GRID2: variants seen among roughly 807,000 people sequenced by gnomAD.
GRID2 encodes the protein glutamate ionotropic receptor delta type subunit 2, also known as glutamate receptor ionotropic, delta-2.
Under a neutral mutation model 114.8 loss-of-function variants are expected in GRID2, and 33 were observed. That is an observed-to-expected ratio of 0.29 (90% CI 0.22 to 0.38). The LOEUF is 0.38. GRID2 is among the 10% of genes least tolerant of loss of function. The pLI, the probability that GRID2 is intolerant of heterozygous loss-of-function variation, is 1.00. For missense variants in GRID2, 1,184 were observed against 1,257.7 expected, an observed-to-expected ratio of 0.94 and a Z score of 0.89; for synonymous variants, 505 against 449.9, an observed-to-expected ratio of 1.12 and a Z score of -1.55.
chr4:93,586,829 G>A (rs1348750428), intron 13 of GRID2, among the ~76,000 whole-genome samples: 1 of 152,032 alleles, frequency 6.6e-6, no homozygotes, highest in East Asian at 1.9e-4. Flanking sequence ...CCTAGCATGG[G>A]CAGTTGCTTC....
chr4:93,267,128 A>G (rs757417025), intron 8 of GRID2, among the ~76,000 whole-genome samples: 21 of 143,390 alleles, frequency 1.5e-4, no homozygotes, highest in East Asian at 2.1e-4. Flanking sequence ...TATTCTTTTT[A>G]TGGGTGGATA....
At chr4:93,493,681 T>C (rs979457757) in intron 12 of GRID2, among the ~76,000 whole-genome samples, 1 of 151,772 alleles carries the variant, frequency 6.6e-6, no homozygotes. Flanking sequence ...CCAGTTTTTA[T>C]CTAGACTTTC....
intron 2 of GRID2, among the ~76,000 whole-genome samples, chr4:92,594,998 T>C (rs1016545116): frequency 3.3e-5 from 5 of 151,990 alleles, no homozygotes; most frequent in Admixed American, 2.6e-4. Flanking sequence ...GAATGAAGTA[T>C]GAATCCATAT....
At chr4:93,682,594 T>C (rs2110095312) in intron 14 of GRID2, among the ~76,000 whole-genome samples, 1 of 152,186 alleles carries the variant, frequency 6.6e-6, no homozygotes, top group South Asian at 2.1e-4. Flanking sequence ...TGGAATACTA[T>C]GCAGCCATAA....
intron 2 of GRID2, among the ~76,000 whole-genome samples, chr4:92,910,932 T>C (rs1748328683): frequency 6.6e-6 from 1 of 152,098 alleles, no homozygotes; most frequent in South Asian, 2.1e-4. Context: ...TATGAATTCA[T>C]GGATATGGAG....
At chr4:92,711,887 A>T (rs575573432) in intron 2 of GRID2, among the ~76,000 whole-genome samples, 1 of 152,308 alleles carries the variant, frequency 6.6e-6, no homozygotes, top group East Asian at 1.9e-4. Flanking sequence ...TGGGTAACAG[A>T]GAGAAACCCT....
chr4:93,524,676 T>C (rs1730652051), intron 13 of GRID2, among the ~76,000 whole-genome samples: 2 of 151,110 alleles, frequency 1.3e-5, no homozygotes, highest in African/African-American at 4.8e-5. Flanking sequence ...TCACCAGGAA[T>C]TTTACATAAG....
At chr4:92,672,187 A>T (rs1733107727) in intron 2 of GRID2, among the ~76,000 whole-genome samples, 1 of 152,070 alleles carries the variant, frequency 6.6e-6, no homozygotes. Flanking sequence ...CACCTTCAAA[A>T]ATTATCATTA....
chr4:92,479,352 T>C (rs1428124854), intron 1 of GRID2, among the ~76,000 whole-genome samples: 6 of 152,126 alleles, frequency 3.9e-5, no homozygotes, highest in African/African-American at 1.4e-4. Context: ...CCAAGTCTAA[T>C]TCATAATAAA....
chr4:93,233,340 T>A (rs34620138), intron 7 of GRID2, among the ~76,000 whole-genome samples: 9,367 of 150,782 alleles, frequency 0.062, 413 homozygotes, highest in East Asian at 0.19. Context: ...TTATTATTTT[T>A]TTTTTTATTT....
intron 2 of GRID2, among the ~76,000 whole-genome samples, chr4:92,755,000 G>A (rs1158231344): frequency 6.6e-6 from 1 of 151,968 alleles, no homozygotes; most frequent in African/African-American, 2.4e-5. Flanking sequence ...ACATGACCTG[G>A]TGTGTGCTTC....
chr4:92,753,538 C>G (rs550268338), intron 2 of GRID2, among the ~76,000 whole-genome samples: 3 of 152,054 alleles, frequency 2.0e-5, no homozygotes, highest in Admixed American at 2.0e-4. Context: ...AGCATAATAA[C>G]GAACAAAAAC....
chr4:92,797,901 C>A (rs1739969601), intron 2 of GRID2, among the ~76,000 whole-genome samples: 1 of 151,936 alleles, frequency 6.6e-6, no homozygotes, highest in African/African-American at 2.4e-5. Context: ...TCTAAAGTAA[C>A]AATCAAATGT....
At chr4:92,829,295 T>C (rs1320666824) in intron 2 of GRID2, among the ~76,000 whole-genome samples, 1 of 152,166 alleles carries the variant, frequency 6.6e-6, no homozygotes, top group African/African-American at 2.4e-5. Context: ...TTGCTTGTTT[T>C]TGTCAGAAGA....
At chr4:93,789,250 G>A (rs1734649691) in intron 1 of GRID2, among the ~76,000 whole-genome samples, 3 of 152,160 alleles carry the variant, frequency 2.0e-5, no homozygotes, top group Admixed American at 1.3e-4. Context: ...CATTTGAATT[G>A]CACCTAAATT....
At chr4:93,717,801 G>C (rs1322620790) in intron 14 of GRID2, among the ~76,000 whole-genome samples, 2 of 152,198 alleles carry the variant, frequency 1.3e-5, no homozygotes, top group Admixed American at 6.5e-5. Flanking sequence ...ATTTTTTACT[G>C]TTAGAATATA....
intron 2 of GRID2, among the ~76,000 whole-genome samples, chr4:93,025,236 C>CT (rs1723776524): frequency 6.6e-6 from 1 of 151,660 alleles, no homozygotes; most frequent in African/African-American, 2.4e-5. Context: ...GCATATTTCT[C>CT]TAAAAGAAAA....
chr4:93,626,128 A>C, intron 13 of GRID2, 141 bp from the exon 14 acceptor site: 1 of 559,210 alleles, frequency 1.8e-6, no homozygotes, highest in Non-Finnish European at 3.1e-6. Context: ...AATCCCCAAC[A>C]GATACTGAAG....
At chr4:92,910,531 G>A (rs770073652) in intron 2 of GRID2, among the ~76,000 whole-genome samples, 61 of 152,174 alleles carry the variant, frequency 4.0e-4, no homozygotes, top group African/African-American at 1.4e-3. Flanking sequence ...TTCTTTGAAT[G>A]ATGCAGTTGA....
Sources: gnomAD v4.1 joint callset for allele counts (sites outside exome capture counted in the v4.1 genomes callset) on GRCh38, gnomAD v4.1.1 for gene constraint, MANE v1.5 for transcripts, NCBI Gene and HGNC (gene_info 2026-07-23, HGNC 2026-07-21) for gene names.